PLXDC2: variants seen among roughly 807,000 people sequenced by gnomAD.
PLXDC2 encodes the protein plexin domain containing 2, also known as plexin domain-containing protein 2.
Under a neutral mutation model 68.9 loss-of-function variants are expected in PLXDC2, and 40 were observed. The observed-to-expected ratio is 0.58, with a 90% CI of 0.45 to 0.76. The LOEUF (loss-of-function observed/expected upper bound fraction) is 0.76. Among genes scored for constraint, PLXDC2 ranks in the 30% least tolerant of loss-of-function variants. PLXDC2 has a pLI of 0.00. For synonymous variants in PLXDC2, 243 were observed against 234.2 expected (o/e 1.04, Z -0.34); for missense variants, 644 against 661.9 (o/e 0.97, Z 0.30).
intron 1 of PLXDC2, among the ~76,000 whole-genome samples, chr10:19,921,105 T>C (rs1833454894): frequency 3.6e-5 from 5 of 138,744 alleles, no homozygotes; most frequent in Admixed American, 2.2e-4. Context: ...CTTTTTCTTT[T>C]CTTCTTCTTT....
intron 12 of PLXDC2, among the ~76,000 whole-genome samples, chr10:20,224,326 C>A (rs1835257990): frequency 6.6e-6 from 1 of 152,194 alleles, no homozygotes; most frequent in South Asian, 2.1e-4. Flanking sequence ...GCATTTACAA[C>A]ATTTTCTTTT....
chr10:19,955,822 G>A (rs1834060328), intron 1 of PLXDC2, among the ~76,000 whole-genome samples: 1 of 152,196 alleles, frequency 6.6e-6, no homozygotes, highest in African/African-American at 2.4e-5. Flanking sequence ...GCTCACGCCT[G>A]TAATTTCAGC....
At chr10:20,091,149 G>C (rs1833271150) in intron 4 of PLXDC2, among the ~76,000 whole-genome samples, 1 of 152,120 alleles carries the variant, frequency 6.6e-6, no homozygotes, top group Non-Finnish European at 1.5e-5. Flanking sequence ...CAGCATGTTT[G>C]GGCATCTCTG....
chr10:19,929,748 C>G (rs1382331784), intron 1 of PLXDC2, among the ~76,000 whole-genome samples: 1 of 152,118 alleles, frequency 6.6e-6, no homozygotes, highest in South Asian at 2.1e-4. Flanking sequence ...ACCACTGATA[C>G]AAAAAAACTG....
In PLXDC2 at chr10:20,284,312, C is replaced by CATATATATATATATATATATATATAT. The variant is rs747835988; in HGVS notation, c.*4512_*4513insTATATATATATATATATATATATATA. 6.2e-4 allele frequency: 77 copies of CATATATATATATATATATATATATAT among 125,196 alleles called. No homozygotes were observed. The highest frequency in any genetic ancestry group is 1.4e-3 in the African/African-American group (45 of 31,414). 7.8% of individuals were successfully genotyped at this position (125,196 alleles called of 1,614,324 possible). A position where few individuals can be genotyped will look rare whatever the true frequency, so the allele number is the denominator to read the frequency against. On this transcript the variant is annotated 3_prime_UTR_variant, in exon 14 of 14. Transcript: ENST00000377252. ...GTGAGACCCATCTCTATCAAATATA[C>CATATATATATATATATATATATATAT]ATATATATATATATATATACACACA...
At chr10:19,905,236 T>C (rs768735470) in intron 1 of PLXDC2, among the ~76,000 whole-genome samples, 4 of 152,234 alleles carry the variant, frequency 2.6e-5, no homozygotes, top group Non-Finnish European at 5.9e-5. Context: ...TCTTGGATGA[T>C]TTTGGCATAG....
intron 1 of PLXDC2, among the ~76,000 whole-genome samples, chr10:19,824,291 C>T (rs1017862866): frequency 6.6e-6 from 1 of 152,162 alleles, no homozygotes; most frequent in East Asian, 1.9e-4. Context: ...TGGCCCACCT[C>T]CAACAAGCAT....
At chr10:20,146,037 A>G (rs1158948069) in intron 5 of PLXDC2, among the ~76,000 whole-genome samples, 1 of 152,236 alleles carries the variant, frequency 6.6e-6, no homozygotes, top group Non-Finnish European at 1.5e-5. Context: ...ATGTTATAGG[A>G]AAGGAAACGG....
intron 4 of PLXDC2, among the ~76,000 whole-genome samples, chr10:20,074,845 A>G (rs1836410777): frequency 7.1e-6 from 1 of 141,294 alleles, no homozygotes; most frequent in Non-Finnish European, 1.5e-5. Flanking sequence ...TCTAGGGAGA[A>G]GGTGAATGGA....
chr10:19,900,010 G>T (rs567287691), intron 1 of PLXDC2, among the ~76,000 whole-genome samples: 40 of 152,074 alleles, frequency 2.6e-4, no homozygotes, highest in Non-Finnish European at 5.9e-4. Flanking sequence ...AGATATAGAC[G>T]TAAAAATAGG....
chr10:20,016,671 T>C (rs1251658894), intron 2 of PLXDC2, among the ~76,000 whole-genome samples: 1 of 152,202 alleles, frequency 6.6e-6, no homozygotes, highest in Non-Finnish European at 1.5e-5. Context: ...CTTAGTACCT[T>C]CTGGAAACCA....
At chr10:20,104,000 T>C (rs748196991) in intron 4 of PLXDC2, among the ~76,000 whole-genome samples, 6 of 152,138 alleles carry the variant, frequency 3.9e-5, no homozygotes, top group Non-Finnish European at 7.4e-5. Context: ...CAGAAGGACA[T>C]GGGGTCCAGT....
chr10:20,002,047 A>G (rs1212572739), intron 2 of PLXDC2, 61 bp downstream of exon 2: 1 of 1,491,716 alleles, frequency 6.7e-7, no homozygotes, highest in East Asian at 2.4e-5. Context: ...TAGGTGCCCA[A>G]CTTTTATATA....
chr10:19,986,558 GAAAAAGACATAC>G (rs1332359933), intron 1 of PLXDC2, among the ~76,000 whole-genome samples: 12 of 123,864 alleles, frequency 9.7e-5, no homozygotes, highest in South Asian at 3.0e-4. Context: ...CAAAGAAAAA[GAAAAAGACATAC>G]AAAAAGAAAT....
intron 4 of PLXDC2, among the ~76,000 whole-genome samples, chr10:20,115,847 G>C (rs79047077): frequency 0.017 from 2,608 of 152,292 alleles, 75 homozygotes; most frequent in African/African-American, 0.059. Flanking sequence ...GTCATGGTCA[G>C]GTCAGGTTAT....
At chr10:19,938,384 T>G (rs529960360) in intron 1 of PLXDC2, among the ~76,000 whole-genome samples, 1 of 152,276 alleles carries the variant, frequency 6.6e-6, no homozygotes, top group African/African-American at 2.4e-5. Context: ...GACTCATGGT[T>G]CTCCACGCTG....
chr10:19,900,925 T>A (rs929388948), intron 1 of PLXDC2, among the ~76,000 whole-genome samples: 7 of 151,842 alleles, frequency 4.6e-5, no homozygotes, highest in South Asian at 2.1e-4. Context: ...TTGCTGCAAA[T>A]GCCATTATTT....
At chr10:20,034,113 G>T (rs1835542520) in intron 2 of PLXDC2, among the ~76,000 whole-genome samples, 1 of 152,076 alleles carries the variant, frequency 6.6e-6, no homozygotes, top group Non-Finnish European at 1.5e-5. Context: ...GCTATACATT[G>T]TTTTACCATT....
chr10:20,247,687 A>G (rs1399527189), intron 13 of PLXDC2, among the ~76,000 whole-genome samples: 1 of 152,174 alleles, frequency 6.6e-6, no homozygotes, highest in African/African-American at 2.4e-5. Context: ...AGAGTCCAGT[A>G]TGCGCATGAT....
Sources: gnomAD v4.1 joint callset for allele counts (sites outside exome capture counted in the v4.1 genomes callset) on GRCh38, gnomAD v4.1.1 for gene constraint, MANE v1.5 for transcripts, NCBI Gene and HGNC (gene_info 2026-07-23, HGNC 2026-07-21) for gene names.